The following MATCAP2 variants were observed in gnomAD, a reference collection of about 807,000 sequenced individuals.
MATCAP2 encodes the protein microtubule associated tyrosine carboxypeptidase 2, also known as putative tyrosine carboxypeptidase MATCAP2.
At chr7:36,336,100 A>G in the MATCAP2 span, 1 of 1,264,180 alleles carries the variant, frequency 7.9e-7, no homozygotes, top group Non-Finnish European at 1.0e-6. Flanking sequence ...ATAAAATAAA[A>G]TAAACTATGA....
the MATCAP2 span, chr7:36,336,302 AAAAG>A: frequency 1.6e-5 from 24 of 1,510,576 alleles, no homozygotes; most frequent in African/African-American, 2.8e-5. Flanking sequence ...GATAGACTGT[AAAAG>A]AAAGAGAGAT....
the MATCAP2 span, among the ~76,000 whole-genome samples, chr7:36,386,029 C>G: frequency 9.9e-5 from 15 of 151,948 alleles, no homozygotes; most frequent in African/African-American, 3.6e-4. Flanking sequence ...GTGGCATATG[C>G]CTGTTGTCCC....
At chr7:36,326,896 C>T in the MATCAP2 span, 43 of 1,608,784 alleles carry the variant, frequency 2.7e-5, no homozygotes, top group Middle Eastern at 1.7e-4. Flanking sequence ...TCCTTTTAAG[C>T]GATCCACATC....
At chr7:36,360,492 A>C in the MATCAP2 span, among the ~76,000 whole-genome samples, 1 of 152,148 alleles carries the variant, frequency 6.6e-6, no homozygotes, top group Non-Finnish European at 1.5e-5. Flanking sequence ...CTGCTGAATA[A>C]AGTTTGGGAG....
chr7:36,357,222 C>A, the MATCAP2 span: 1 of 1,614,120 alleles, frequency 6.2e-7, no homozygotes, highest in South Asian at 1.1e-5. Flanking sequence ...GTAAACTTTA[C>A]AGGACTTGAC....
chr7:36,367,534 A>C, the MATCAP2 span, among the ~76,000 whole-genome samples: 2 of 152,320 alleles, frequency 1.3e-5, no homozygotes, highest in East Asian at 3.9e-4. Context: ...TAGCAAAGCC[A>C]GTCTACCCGT....
chr7:36,367,439 TTGAC>T, the MATCAP2 span, among the ~76,000 whole-genome samples: 2 of 152,108 alleles, frequency 1.3e-5, no homozygotes, highest in African/African-American at 4.8e-5. Flanking sequence ...GTAACGCATA[TTGAC>T]TGATCTTTCA....
chr7:36,387,857 C>T, the MATCAP2 span, among the ~76,000 whole-genome samples: 1 of 152,120 alleles, frequency 6.6e-6, no homozygotes, highest in Non-Finnish European at 1.5e-5. Context: ...TCTAATGACT[C>T]ATTTTCCAAC....
chr7:36,375,070 G>A, the MATCAP2 span, among the ~76,000 whole-genome samples: 527 of 152,282 alleles, frequency 3.5e-3, 5 homozygotes, highest in African/African-American at 0.012. Flanking sequence ...TGGGATGGCT[G>A]GATCAAATCG....
chr7:36,374,643 C>T, the MATCAP2 span, among the ~76,000 whole-genome samples: 1 of 152,132 alleles, frequency 6.6e-6, no homozygotes, highest in Admixed American at 6.5e-5. Flanking sequence ...CACCCATTAA[C>T]TCATCATTTA....
At chr7:36,352,329 G>A in the MATCAP2 span, among the ~76,000 whole-genome samples, 2 of 149,880 alleles carry the variant, frequency 1.3e-5, no homozygotes, top group African/African-American at 2.5e-5. Flanking sequence ...CCCAGGCAGC[G>A]GAGGTTGCAG....
chr7:36,367,436 A>G, the MATCAP2 span, among the ~76,000 whole-genome samples: 84 of 152,124 alleles, frequency 5.5e-4, no homozygotes, highest in Admixed American at 9.8e-4. Context: ...TGGGTAACGC[A>G]TATTGACTGA....
chr7:36,336,503 G>A, the MATCAP2 span, among the ~76,000 whole-genome samples: 1 of 152,052 alleles, frequency 6.6e-6, no homozygotes, highest in East Asian at 1.9e-4. Context: ...TTAGCAATAC[G>A]AACTCTTCCC....
the MATCAP2 span, chr7:36,390,198 G>C: frequency 3.1e-6 from 4 of 1,282,476 alleles, no homozygotes; most frequent in Non-Finnish European, 4.3e-6. Context: ...CGCGGCTGCG[G>C]CCTGCTGTGG....
chr7:36,328,693 C>A, the MATCAP2 span, among the ~76,000 whole-genome samples: 4 of 151,348 alleles, frequency 2.6e-5, no homozygotes, highest in Non-Finnish European at 4.4e-5. Flanking sequence ...TGCAGTGAGC[C>A]GAGATCACGC....
the MATCAP2 span, among the ~76,000 whole-genome samples, chr7:36,360,985 G>C: frequency 3.9e-5 from 6 of 152,092 alleles, no homozygotes; most frequent in Non-Finnish European, 5.9e-5. Context: ...TCACTATATT[G>C]GAGAGAATGA....
chr7:36,372,218 A>G, the MATCAP2 span, among the ~76,000 whole-genome samples: 11 of 152,366 alleles, frequency 7.2e-5, no homozygotes, highest in East Asian at 2.1e-3. Flanking sequence ...GCCTACCATT[A>G]TAAAAGAACA....
chr7:36,385,057 T>C, the MATCAP2 span, among the ~76,000 whole-genome samples: 1 of 152,074 alleles, frequency 6.6e-6, no homozygotes, highest in African/African-American at 2.4e-5. Flanking sequence ...TTGAAAAAGA[T>C]CCCTCTCTAT....
the MATCAP2 span, among the ~76,000 whole-genome samples, chr7:36,377,449 A>C: frequency 1.3e-5 from 2 of 152,300 alleles, no homozygotes; most frequent in East Asian, 3.9e-4. Context: ...TCTGGCTTGT[A>C]GAGTTTCTGC....
Sources: allele counts gnomAD v4.1 joint callset (sites outside exome capture counted in the v4.1 genomes callset), GRCh38; gene constraint gnomAD v4.1.1; transcripts MANE v1.5; gene names NCBI Gene and HGNC (gene_info 2026-07-23, HGNC 2026-07-21).